Variants in MCTP2 observed in about 807,000 individuals in gnomAD.
MCTP2 encodes the protein multiple C2 and transmembrane domain-containing protein 2.
In MCTP2, 132 loss-of-function variants were observed where a neutral mutation model predicts 111.6. The observed-to-expected ratio is 1.18, with a 90% CI of 1.03 to 1.37. MCTP2 has a LOEUF of 1.37. Ranked by LOEUF, MCTP2 falls within the 40% of genes most tolerant of loss-of-function variation. MCTP2 has a pLI of 0.00. For missense variants in MCTP2, 1,183 were observed against 1,067.9 expected, an observed-to-expected ratio of 1.11 and a Z score of -1.50; for synonymous variants, 395 against 387.7, an observed-to-expected ratio of 1.02 and a Z score of -0.22.
chr15:94,241,394 A>G (rs2070944615), intron 1 of MCTP2, among the ~76,000 whole-genome samples: 1 of 152,134 alleles, frequency 6.6e-6, no homozygotes, highest in Admixed American at 6.6e-5. Flanking sequence ...TTCTAATGCA[A>G]ATTTTGCTGA....
intron 1 of MCTP2, among the ~76,000 whole-genome samples, chr15:94,244,073 T>A (rs2071448846): frequency 6.9e-6 from 1 of 144,686 alleles, no homozygotes; most frequent in African/African-American, 2.6e-5. Context: ...TATGTGTATA[T>A]ATTTATGCAC....
At chr15:94,428,932 A>T (rs2083022227) in intron 17 of MCTP2, among the ~76,000 whole-genome samples, 1 of 152,118 alleles carries the variant, frequency 6.6e-6, no homozygotes, top group Non-Finnish European at 1.5e-5. Flanking sequence ...ATGGCTCCAA[A>T]AAAAAATATT....
At chr15:94,362,553 G>A (rs181515801) in intron 10 of MCTP2, among the ~76,000 whole-genome samples, 68 of 152,222 alleles carry the variant, frequency 4.5e-4, no homozygotes, top group Non-Finnish European at 8.8e-4. Flanking sequence ...TATTTCTCTG[G>A]ACAAATTGCA....
intron 17 of MCTP2, among the ~76,000 whole-genome samples, chr15:94,424,307 T>G (rs1223843346): frequency 2.0e-5 from 3 of 152,152 alleles, no homozygotes; most frequent in African/African-American, 7.2e-5. Flanking sequence ...TATTTTCATT[T>G]TGTTTTTTGG....
chr15:94,245,378 G>GTA (rs1266744324), intron 1 of MCTP2, among the ~76,000 whole-genome samples: 5 of 122,194 alleles, frequency 4.1e-5, no homozygotes, highest in African/African-American at 1.5e-4. Flanking sequence ...ACATACATAT[G>GTA]TATATGTATT....
intron 14 of MCTP2, among the ~76,000 whole-genome samples, chr15:94,388,573 A>G (rs1015898583): frequency 1.3e-5 from 2 of 152,194 alleles, no homozygotes; most frequent in African/African-American, 4.8e-5. Flanking sequence ...CTATTTTCAA[A>G]TAATTCTAAC....
At chr15:94,429,300 ATC>A (rs1053767067) in intron 17 of MCTP2, among the ~76,000 whole-genome samples, 8 of 151,790 alleles carry the variant, frequency 5.3e-5, no homozygotes, top group African/African-American at 1.9e-4. Context: ...AATTTTATTT[ATC>A]TCTCTCTCCT....
At chr15:94,288,333 C>T (rs1429581593) in intron 1 of MCTP2, among the ~76,000 whole-genome samples, 1 of 152,138 alleles carries the variant, frequency 6.6e-6, no homozygotes. Flanking sequence ...ATGGACTCAT[C>T]CATAGCCTGA....
At chr15:94,386,657 C>T (rs1368502061) in intron 14 of MCTP2, among the ~76,000 whole-genome samples, 4 of 151,940 alleles carry the variant, frequency 2.6e-5, no homozygotes, top group Non-Finnish European at 5.9e-5. Flanking sequence ...TTTTTCATTA[C>T]AACTTTGTCA....
At position 94,475,607 on chromosome 15, in the gene MCTP2, C is replaced by T. The variant is rs543168384; in HGVS notation, c.2471-1089C>T. ...CATTCAGCGTCATTGGGACTGACAG[C>T]CCTTCAGATATGATCCTTGTTAAAC... On this transcript the variant is annotated intron_variant, in intron 21 of 22. Transcript: ENST00000357742. Among the ~76,000 whole-genome samples, 5 of 152,272 alleles carry T rather than the reference C, an allele frequency of 3.3e-5. No individual in the cohort carries two copies. In the South Asian group the frequency reaches 6.2e-4, roughly 19 times the overall value.
At chr15:94,439,866 G>T (rs1489030429) in intron 17 of MCTP2, among the ~76,000 whole-genome samples, 1 of 152,092 alleles carries the variant, frequency 6.6e-6, no homozygotes, top group African/African-American at 2.4e-5. Flanking sequence ...TTGGTCTCTG[G>T]CCTGCGTCTT....
At chr15:94,403,562 G>T (rs2081720994) in intron 17 of MCTP2, among the ~76,000 whole-genome samples, 1 of 152,200 alleles carries the variant, frequency 6.6e-6, no homozygotes. Flanking sequence ...CTGTTGCCCT[G>T]GATTCTGTAG....
intron 12 of MCTP2, among the ~76,000 whole-genome samples, chr15:94,379,532 T>A (rs1337998007): frequency 6.6e-6 from 1 of 151,802 alleles, no homozygotes; most frequent in Non-Finnish European, 1.5e-5. Context: ...CTCTACCCCT[T>A]GTATTGTATT....
At chr15:94,393,774 T>G (rs2152467003) in intron 14 of MCTP2, among the ~76,000 whole-genome samples, 1 of 152,148 alleles carries the variant, frequency 6.6e-6, no homozygotes, top group East Asian at 1.9e-4. Flanking sequence ...AATCAGCCAG[T>G]CACGGTGGCT....
At chr15:94,436,870 C>T (rs556865739) in intron 17 of MCTP2, among the ~76,000 whole-genome samples, 2 of 150,550 alleles carry the variant, frequency 1.3e-5, no homozygotes, top group African/African-American at 4.9e-5. Context: ...CTTAATCCCC[C>T]CAAAAAACGT....
chr15:94,423,622 T>C (rs1373181640), intron 17 of MCTP2, among the ~76,000 whole-genome samples: 2 of 152,202 alleles, frequency 1.3e-5, no homozygotes, highest in African/African-American at 4.8e-5. Flanking sequence ...TAAAACTGTA[T>C]TTAAATAAGG....
intron 14 of MCTP2, among the ~76,000 whole-genome samples, chr15:94,385,957 A>G (rs1383806828): frequency 6.6e-6 from 1 of 152,206 alleles, no homozygotes. Flanking sequence ...TCTTTTAAAG[A>G]CCATTTTCCC....
intron 17 of MCTP2, among the ~76,000 whole-genome samples, chr15:94,417,435 T>A (rs545500917): frequency 6.6e-6 from 1 of 152,204 alleles, no homozygotes; most frequent in African/African-American, 2.4e-5. Context: ...GGTCAAAAAT[T>A]GAATTTGTAG....
intron 2 of MCTP2, among the ~76,000 whole-genome samples, chr15:94,309,777 G>A (rs2076044851): frequency 6.6e-6 from 1 of 152,148 alleles, no homozygotes; most frequent in South Asian, 2.1e-4. Flanking sequence ...TGCAAAGTAT[G>A]TATTACCTTC....
Sources: allele counts gnomAD v4.1 joint callset (sites outside exome capture counted in the v4.1 genomes callset), GRCh38; gene constraint gnomAD v4.1.1; transcripts MANE v1.5; gene names NCBI Gene and HGNC (gene_info 2026-07-23, HGNC 2026-07-21).